Variants in MME observed in about 807,000 individuals in gnomAD.
MME encodes the protein neprilysin.
A neutral mutation model predicts 113.2 loss-of-function variants in MME; 98 were observed. The observed-to-expected ratio is 0.87, with a 90% CI of 0.74 to 1.02. The LOEUF is 1.02. Among genes scored for constraint, MME ranks in the 50% least tolerant of loss-of-function variants. MME has a pLI of 0.00. For missense variants in MME, 836 were observed against 896.0 expected (o/e 0.93, Z 0.86); for synonymous variants, 292 against 300.6 (o/e 0.97, Z 0.30).
intron 1 of MME, among the ~76,000 whole-genome samples, chr3:155,061,555 A>G (rs1341204179): frequency 3.3e-5 from 5 of 152,056 alleles, no homozygotes; most frequent in Non-Finnish European, 7.4e-5. Context: ...CCACATTACA[A>G]ACCTGTATTT....
chr3:155,151,697 T>C (rs1721946425), intron 16 of MME, among the ~76,000 whole-genome samples: 1 of 152,232 alleles, frequency 6.6e-6, no homozygotes, highest in Non-Finnish European at 1.5e-5. Flanking sequence ...GGACTCATTT[T>C]AATCATCCTA....
At chr3:155,126,366 G>T (rs1719654941) in intron 8 of MME, among the ~76,000 whole-genome samples, 1 of 151,476 alleles carries the variant, frequency 6.6e-6, no homozygotes. Flanking sequence ...CTGATATCAA[G>T]GTATACCTGG....
At chr3:155,049,678 TAG>T (rs199877623) in intron 1 of MME, among the ~76,000 whole-genome samples, 31 of 148,346 alleles carry the variant, frequency 2.1e-4, no homozygotes, top group African/African-American at 6.8e-4. Context: ...TATCTATATA[TAG>T]AGAGAGAACA....
chr3:155,025,761 C>T (rs576849620), intron 1 of MME, among the ~76,000 whole-genome samples: 4 of 131,516 alleles, frequency 3.0e-5, no homozygotes, highest in East Asian at 2.4e-4. Context: ...GGCACGATCT[C>T]GGCTCACTGC....
chr3:155,105,080 G>C (rs1301246373), intron 3 of MME, among the ~76,000 whole-genome samples: 2 of 152,128 alleles, frequency 1.3e-5, no homozygotes, highest in Non-Finnish European at 2.9e-5. Context: ...ATAATTGCCA[G>C]TCCTCCCTTG....
At chr3:155,168,893 A>C in intron 20 of MME, 96 bp downstream of exon 20, 3 of 1,034,118 alleles carry the variant, frequency 2.9e-6, no homozygotes, top group Non-Finnish European at 2.9e-6. Context: ...AGAAACTCAT[A>C]TAAGCAGTAA....
rs1435460642 is a variant in MME, at chr3:155,182,634, C to T, written c.*2175C>T. ...AGCTGTCTCTAACTTATTTTATTTC[C>T]ATCATGTCAGAGCAGGTGAAGAGCC... On this transcript the variant is annotated 3_prime_UTR_variant, in exon 23 of 23. Transcript: ENST00000360490. 6.6e-6 allele frequency: 1 copy of T among 152,112 alleles called. No individual in the cohort carries two copies. Among genetic ancestry groups the T allele is most frequent in the Non-Finnish European group, 1.5e-5 (1 of 68,018 alleles). The allele number at this position is 152,112 out of a possible 1,614,324, so 9.4% of individuals were successfully genotyped here.
At chr3:155,138,983 C>T (rs931519668) in intron 9 of MME, among the ~76,000 whole-genome samples, 3 of 152,010 alleles carry the variant, frequency 2.0e-5, no homozygotes, top group African/African-American at 7.2e-5. Context: ...TCCCTGACTC[C>T]CTATCTGCTT....
At chr3:155,049,874 T>A (rs965033857) in intron 1 of MME, among the ~76,000 whole-genome samples, 5 of 152,134 alleles carry the variant, frequency 3.3e-5, no homozygotes, top group African/African-American at 1.2e-4. Context: ...CTTGCAAGTT[T>A]GTTATATACA....
At chr3:155,132,343 A>C (rs924454073) in intron 8 of MME, among the ~76,000 whole-genome samples, 1 of 152,220 alleles carries the variant, frequency 6.6e-6, no homozygotes, top group African/African-American at 2.4e-5. Flanking sequence ...AAATATCATT[A>C]CCTGATTCTG....
chr3:155,106,674 G>A (rs1329529995), intron 3 of MME, among the ~76,000 whole-genome samples: 3 of 152,144 alleles, frequency 2.0e-5, no homozygotes, highest in Non-Finnish European at 4.4e-5. Flanking sequence ...ATGGTGGGAG[G>A]AGGGTGGCAG....
intron 16 of MME, among the ~76,000 whole-genome samples, chr3:155,157,120 C>T (rs1299754606): frequency 6.6e-6 from 1 of 152,112 alleles, no homozygotes; most frequent in Non-Finnish European, 1.5e-5. Flanking sequence ...GCTTTGAGGG[C>T]CATACTGCTT....
intron 8 of MME, among the ~76,000 whole-genome samples, chr3:155,125,067 C>G (rs527433882): frequency 1.3e-5 from 2 of 149,394 alleles, no homozygotes; most frequent in South Asian, 2.2e-4. Context: ...TAGCAATCAG[C>G]GAGATTCCGT....
intron 8 of MME, among the ~76,000 whole-genome samples, chr3:155,125,444 C>CTTTTTTTTTTTTTTTTTTTT (rs1165027340): frequency 1.5e-5 from 1 of 65,286 alleles, no homozygotes; most frequent in Non-Finnish European, 2.7e-5. Context: ...GCTCCTCCTC[C>CTTTTTTTTTTTTTTTTTTTT]TTTTTTTTTT....
At chr3:155,131,247 C>T (rs1720121466) in intron 8 of MME, among the ~76,000 whole-genome samples, 1 of 152,128 alleles carries the variant, frequency 6.6e-6, no homozygotes, top group African/African-American at 2.4e-5. Context: ...TCTGAGCAGA[C>T]CTAAGATAAT....
At chr3:155,115,281 T>G in intron 4 of MME, 126 bp downstream of exon 4, 1 of 1,165,768 alleles carries the variant, frequency 8.6e-7, no homozygotes. Context: ...CCTTCCAGGA[T>G]TTGTGTACCA....
intron 1 of MME, among the ~76,000 whole-genome samples, chr3:155,055,426 C>T (rs1713891853): frequency 2.0e-5 from 3 of 151,984 alleles, no homozygotes; most frequent in Admixed American, 6.6e-5. Context: ...GGTGAAACCC[C>T]GTCTCTGCAA....
chr3:155,154,774 T>C lies in MME; in HGVS notation c.1602-5616T>C, dbSNP rs188731751. Reference sequence around the variant, plus strand: ...TATGCAGAAATTATATGGGTAAATATGATGGCCCAGCAGTGGAAAGTTGAT... The same window carrying C: ...TATGCAGAAATTATATGGGTAAATACGATGGCCCAGCAGTGGAAAGTTGAT... On this transcript the variant is annotated intron_variant, in intron 16 of 22. Transcript: ENST00000360490. Among the ~76,000 whole-genome samples the C allele has an allele frequency of 2.2e-4, 34 of 152,272 alleles. No individual in the cohort carries two copies. The East Asian group carries it at 5.2e-3, about 23-fold the overall frequency.
intron 3 of MME, among the ~76,000 whole-genome samples, chr3:155,108,393 C>T (rs1022748694): frequency 7.9e-5 from 12 of 151,820 alleles, no homozygotes; most frequent in East Asian, 5.8e-4. Context: ...GTCAGGAGTT[C>T]GAGATCAGCC....
Sources: allele counts gnomAD v4.1 joint callset (sites outside exome capture counted in the v4.1 genomes callset), GRCh38; gene constraint gnomAD v4.1.1; transcripts MANE v1.5; gene names NCBI Gene and HGNC (gene_info 2026-07-23, HGNC 2026-07-21).